NALCN: variants seen among roughly 807,000 people sequenced by gnomAD.
NALCN encodes sodium leak channel, non-selective.
In NALCN, 111 loss-of-function variants were observed where a neutral mutation model predicts 225.3. The ratio of observed to expected loss-of-function variants is 0.49; its 90% CI spans 0.42 to 0.58. NALCN has a LOEUF of 0.58. Among genes scored for constraint, NALCN ranks in the 20% least tolerant of loss-of-function variants. NALCN has a pLI of 0.00. For synonymous variants in NALCN, 764 were observed against 769.0 expected, an observed-to-expected ratio of 0.99 and a Z score of 0.11; for missense variants, 1,378 against 2,202.4, an observed-to-expected ratio of 0.63 and a Z score of 7.49.
At chr13:101,397,479 T>C (rs1201463332) in intron 2 of NALCN, among the ~76,000 whole-genome samples, 1 of 151,086 alleles carries the variant, frequency 6.6e-6, no homozygotes. Context: ...TACATACATA[T>C]AATATATATG....
chr13:101,344,577 AT>A (rs141905086), intron 7 of NALCN, among the ~76,000 whole-genome samples: 3,074 of 152,250 alleles, frequency 0.02, 111 homozygotes, highest in African/African-American at 0.07. Flanking sequence ...GGAATTATAC[AT>A]TTTTTGCTTT....
chr13:101,137,536 A>G (rs1594285233), intron 17 of NALCN, among the ~76,000 whole-genome samples: 1 of 152,336 alleles, frequency 6.6e-6, no homozygotes, highest in Admixed American at 6.5e-5. Flanking sequence ...CAATAAAAAA[A>G]ACGGAAGAGT....
At chr13:101,309,375 G>A (rs147902828) in intron 7 of NALCN, among the ~76,000 whole-genome samples, 152 of 152,294 alleles carry the variant, frequency 1.0e-3, no homozygotes, top group African/African-American at 3.5e-3. Context: ...ATTTTGGCAA[G>A]TTTTTGCAAG....
intron 13 of NALCN, among the ~76,000 whole-genome samples, chr13:101,213,014 G>T (rs895820014): frequency 1.3e-5 from 2 of 152,092 alleles, no homozygotes; most frequent in Non-Finnish European, 2.9e-5. Context: ...AAAGAACAAA[G>T]CTGGAGGCAT....
chr13:101,212,994 T>G (rs983534746), intron 13 of NALCN, among the ~76,000 whole-genome samples: 2 of 152,004 alleles, frequency 1.3e-5, no homozygotes, highest in African/African-American at 4.8e-5. Context: ...GCCAAGACAA[T>G]CCTAAGCCAA....
chr13:101,079,592 C>T (rs2033488125), intron 34 of NALCN, among the ~76,000 whole-genome samples: 1 of 152,180 alleles, frequency 6.6e-6, no homozygotes, highest in Non-Finnish European at 1.5e-5. Context: ...CCTTCATCTC[C>T]CTCATCATAG....
At chr13:101,286,709 TC>T (rs1253419643) in intron 9 of NALCN, among the ~76,000 whole-genome samples, 3 of 152,156 alleles carry the variant, frequency 2.0e-5, no homozygotes, top group Non-Finnish European at 4.4e-5. Flanking sequence ...ATTTTTTTTT[TC>T]ATTTTACTGA....
intron 7 of NALCN, among the ~76,000 whole-genome samples, chr13:101,322,587 G>C (rs1285441879): frequency 6.6e-6 from 1 of 152,138 alleles, no homozygotes; most frequent in Non-Finnish European, 1.5e-5. Context: ...GGTTGGACTT[G>C]ATGATCTCAT....
rs2034463563 is a variant in NALCN at position 101,095,659 on chromosome 13, T to G, written c.3184A>C (p.Arg1062=). The G allele has an allele frequency of 3.7e-6, 6 of 1,612,786 alleles. No homozygotes were observed. In the East Asian group the frequency reaches 1.3e-4, roughly 36 times the overall value. ...TTCTTTGACACACTGACATTAATTC[T>G]GAATATGCCATTGCAATCTTCCTAA... ...IRREDCNGIF[R]INVSVSKNLN... The change falls in exon 28 of 44, where the codon AGA becomes CGA. Residue 1062 remains arginine, a synonymous_variant. Coordinates refer to ENST00000251127, the MANE Select transcript of NALCN (RefSeq NM_052867.4).
chr13:101,270,248 A>G (rs1445290879), intron 10 of NALCN, among the ~76,000 whole-genome samples: 2 of 152,186 alleles, frequency 1.3e-5, no homozygotes, highest in Non-Finnish European at 2.9e-5. Flanking sequence ...TGGGTAAGTT[A>G]GTGAGAAGTC....
chr13:101,280,209 A>T (rs1362804759), intron 10 of NALCN, among the ~76,000 whole-genome samples: 1 of 152,168 alleles, frequency 6.6e-6, no homozygotes, highest in Non-Finnish European at 1.5e-5. Context: ...GGAAAGCTTT[A>T]TTCAGGGCCA....
rs528126779 is a variant in NALCN at position 101,174,029 on chromosome 13, C to T, written c.1839+2271G>A. Among the ~76,000 whole-genome samples, 548 of 152,022 alleles carry T rather than the reference C, an allele frequency of 3.6e-3. 3 individuals are homozygous for T. The highest frequency in any genetic ancestry group is 0.013 in the African/African-American group (524 of 41,460). ...AAATCAGGGGCATAAAAAATGACAC[C>T]GTTGTTAAAAACTACTGAAAACAAA... is the stretch of plus-strand genomic sequence containing the variant. On this transcript the variant is annotated intron_variant, in intron 15 of 43. Transcript: ENST00000251127.
At chr13:101,076,559 G>C (rs1344887740) in intron 34 of NALCN, among the ~76,000 whole-genome samples, 1 of 152,230 alleles carries the variant, frequency 6.6e-6, no homozygotes, top group African/African-American at 2.4e-5. Context: ...GCCGATGCCA[G>C]AGTGTGATTA....
chr13:101,103,938 A>G (rs1456508870), intron 25 of NALCN, among the ~76,000 whole-genome samples: 1 of 152,210 alleles, frequency 6.6e-6, no homozygotes, highest in Non-Finnish European at 1.5e-5. Flanking sequence ...CTCATAATCA[A>G]TAACATGGTT....
chr13:101,243,469 G>C lies in NALCN; in HGVS notation c.1267-5547C>G, dbSNP rs1177353776. On this transcript the variant is annotated intron_variant, in intron 11 of 43. Transcript: ENST00000251127. ...AATCTCTAGACTAGACATTTGTCTT[G>C]ATTCTCTGAGTTTCATCCTCAGTTT... 1.9e-5 allele frequency among the ~76,000 whole-genome samples: 2 copies of C among 105,004 alleles called. 1 individual carries two copies. Among genetic ancestry groups the C allele is most frequent in the African/African-American group, 6.8e-5 (2 of 29,198 alleles). 68.9% of individuals were successfully genotyped at this position (105,004 alleles called of 152,430 possible). A position where few individuals can be genotyped will look rare whatever the true frequency, so the allele number is the denominator to read the frequency against.
At chr13:101,085,182 A>G (rs374542314) in intron 30 of NALCN, among the ~76,000 whole-genome samples, 2 of 152,272 alleles carry the variant, frequency 1.3e-5, no homozygotes, top group African/African-American at 4.8e-5. Context: ...GCTGGATACT[A>G]ATCTTTTATC....
chr13:101,396,004 C>T lies in NALCN; in HGVS notation c.109-639G>A, dbSNP rs57017853. ...AAACTTTTTAAAAATCTGGTCTCAT[C>T]CTACATTTGAAAAAAATGCATAGAT... On this transcript the variant is annotated intron_variant, in intron 2 of 43. Coordinates refer to ENST00000251127, the MANE Select transcript of NALCN (RefSeq NM_052867.4). Among the ~76,000 whole-genome samples, 1,064 of 152,100 alleles carry T rather than the reference C, an allele frequency of 7.0e-3. 12 individuals carry two copies. Among genetic ancestry groups the T allele is most frequent in the African/African-American group, 0.024 (1,016 of 41,514 alleles).
At chr13:101,212,248 G>A (rs189860001) in intron 13 of NALCN, among the ~76,000 whole-genome samples, 102 of 152,220 alleles carry the variant, frequency 6.7e-4, no homozygotes, top group African/African-American at 2.4e-3. Context: ...ATAAAGCTCT[G>A]CACACCTCCT....
At chr13:101,135,479 A>T (rs2036737558) in intron 17 of NALCN, among the ~76,000 whole-genome samples, 1 of 151,986 alleles carries the variant, frequency 6.6e-6, no homozygotes, top group African/African-American at 2.4e-5. Context: ...GCTCACTGCA[A>T]CCTCCGCCCC....
Sources: allele counts gnomAD v4.1 joint callset (sites outside exome capture counted in the v4.1 genomes callset), GRCh38; gene constraint gnomAD v4.1.1; transcripts MANE v1.5; gene names NCBI Gene and HGNC (gene_info 2026-07-23, HGNC 2026-07-21).